Variants in SLC39A10 observed in about 807,000 individuals in gnomAD.
SLC39A10 encodes solute carrier family 39 member 10, also known as zinc transporter ZIP10.
A neutral mutation model predicts 65.1 loss-of-function variants in SLC39A10; 13 were observed. The ratio of observed to expected loss-of-function variants is 0.20; its 90% CI spans 0.13 to 0.32. The LOEUF is 0.32. Ranked by LOEUF, SLC39A10 falls within the 10% of genes least tolerant of loss-of-function variation. SLC39A10 has a pLI of 1.00. For missense variants in SLC39A10, 831 were observed against 1,018.4 expected, an observed-to-expected ratio of 0.82 and a Z score of 2.50; for synonymous variants, 321 against 342.2, an observed-to-expected ratio of 0.94 and a Z score of 0.68.
intron 2 of SLC39A10, among the ~76,000 whole-genome samples, chr2:195,629,185 G>A (rs10931703): frequency 0.44 from 66,855 of 151,670 alleles, 15,643 homozygotes; most frequent in Non-Finnish European, 0.54. Context: ...TCAGGAAATC[G>A]AGATCATCCT....
intron 9 of SLC39A10, among the ~76,000 whole-genome samples, chr2:195,733,487 G>GT (rs1692490095): frequency 6.6e-6 from 1 of 152,050 alleles, no homozygotes; most frequent in Non-Finnish European, 1.5e-5. Flanking sequence ...ATTCTTAGAT[G>GT]TAATAGTATG....
chr2:195,650,213 C>T (rs1400073502), intron 2 of SLC39A10, among the ~76,000 whole-genome samples: 4 of 147,346 alleles, frequency 2.7e-5, no homozygotes, highest in South Asian at 2.2e-4. Context: ...ACCCGGGAGG[C>T]GGAGCTTGCA....
At chr2:195,638,370 C>T (rs1428921835) in intron 2 of SLC39A10, among the ~76,000 whole-genome samples, 1 of 152,024 alleles carries the variant, frequency 6.6e-6, no homozygotes, top group East Asian at 1.9e-4. Flanking sequence ...GAGACAGTCT[C>T]ACTCTGTCGC....
chr2:195,702,763 A>G (rs886508663), intron 3 of SLC39A10, among the ~76,000 whole-genome samples: 3 of 152,236 alleles, frequency 2.0e-5, no homozygotes, highest in Admixed American at 1.3e-4. Context: ...TGATCTGGGC[A>G]CAGGAGTTTT....
intron 9 of SLC39A10, among the ~76,000 whole-genome samples, chr2:195,730,820 T>A (rs1197327066): frequency 1.3e-5 from 2 of 152,144 alleles, no homozygotes; most frequent in African/African-American, 2.4e-5. Context: ...CTTGCAGAAG[T>A]CTCCATCTCA....
At chr2:195,666,969 G>A (rs1198211670) in intron 1 of SLC39A10, among the ~76,000 whole-genome samples, 1 of 152,170 alleles carries the variant, frequency 6.6e-6, no homozygotes, top group East Asian at 1.9e-4. Flanking sequence ...AGAAATGCAG[G>A]TAATTGTTTT....
intron 9 of SLC39A10, 144 bp from the exon 10 acceptor site, chr2:195,734,739 T>TG: frequency 1.3e-6 from 1 of 753,364 alleles, no homozygotes; most frequent in Non-Finnish European, 2.0e-6. Context: ...ATACATCTGG[T>TG]GGGTAGCATT....
chr2:195,633,149 T>C (rs1688623475), intron 2 of SLC39A10, among the ~76,000 whole-genome samples: 1 of 152,258 alleles, frequency 6.6e-6, no homozygotes, highest in African/African-American at 2.4e-5. Flanking sequence ...GTCTTCTGAA[T>C]CTCACAGTGA....
chr2:195,644,670 T>C (rs1688875758), intron 2 of SLC39A10, among the ~76,000 whole-genome samples: 1 of 151,566 alleles, frequency 6.6e-6, no homozygotes, highest in African/African-American at 2.4e-5. Flanking sequence ...CTGCGTGTGG[T>C]GACACTGACC....
upstream of SLC39A10, among the ~76,000 whole-genome samples, chr2:195,656,577 G>GT (rs1207294967): frequency 2.0e-5 from 3 of 152,206 alleles, no homozygotes; most frequent in Non-Finnish European, 4.4e-5. Flanking sequence ...AAGACCCGCA[G>GT]TAAGTGTGCT....
At chr2:195,732,062 TG>T (rs1182824205) in intron 9 of SLC39A10, among the ~76,000 whole-genome samples, 2 of 152,148 alleles carry the variant, frequency 1.3e-5, no homozygotes, top group Non-Finnish European at 2.9e-5. Context: ...ACCCAGAAAT[TG>T]GGTATTTTCT....
At chr2:195,687,198 G>C (rs1215145538) in intron 3 of SLC39A10, among the ~76,000 whole-genome samples, 1 of 152,120 alleles carries the variant, frequency 6.6e-6, no homozygotes, top group Non-Finnish European at 1.5e-5. Flanking sequence ...ACTGTGGCAG[G>C]AGAAAGGGGA....
At chr2:195,716,399 C>CG (rs1691811001) in intron 6 of SLC39A10, among the ~76,000 whole-genome samples, 1 of 152,134 alleles carries the variant, frequency 6.6e-6, no homozygotes, top group South Asian at 2.1e-4. Flanking sequence ...AATCTCCCCC[C>CG]AAACCCAATT....
rs1553509288 is a variant in SLC39A10, at chr2:195,736,880, A to ATATCTATCTATCTAG, written c.*1840_*1854dup. 1 of 151,762 alleles carries ATATCTATCTATCTAG rather than the reference A, an allele frequency of 6.6e-6. No homozygotes were observed. The highest frequency in any genetic ancestry group is 2.4e-5 in the African/African-American group (1 of 41,256). 9.4% of individuals were successfully genotyped at this position (151,762 alleles called of 1,614,324 possible). ...GTACTGCCAACTTCAAGTGATTTAG[A>ATATCTATCTATCTAG]TATCTATCTATCTAGATTTCTGAAC... On this transcript the variant is annotated 3_prime_UTR_variant, in exon 10 of 10. Coordinates refer to ENST00000359634, the MANE Select transcript of SLC39A10 (RefSeq NM_020342.3).
intron 7 of SLC39A10, among the ~76,000 whole-genome samples, chr2:195,717,620 A>G (rs1305223897): frequency 2.0e-5 from 3 of 151,926 alleles, no homozygotes; most frequent in African/African-American, 7.3e-5. Flanking sequence ...CAGTCTAGAT[A>G]TGCTTCCCAG....
intron 1 of SLC39A10, among the ~76,000 whole-genome samples, chr2:195,673,478 A>G (rs538390785): frequency 9.3e-4 from 142 of 152,310 alleles, no homozygotes; most frequent in African/African-American, 3.2e-3. Context: ...TTTTAGAGAA[A>G]TGGAAGTGTT....
upstream of SLC39A10, among the ~76,000 whole-genome samples, chr2:195,656,047 G>A (rs1028521453): frequency 1.3e-5 from 2 of 152,106 alleles, no homozygotes; most frequent in Non-Finnish European, 2.9e-5. Flanking sequence ...GTGTTATGGT[G>A]ATTAAATTAA....
rs1316899914 is a variant in SLC39A10, at chr2:195,728,739, G to C, written c.2337+390G>C. 1.3e-5 allele frequency among the ~76,000 whole-genome samples: 2 copies of C among 152,166 alleles called. No homozygotes were observed. Among genetic ancestry groups the C allele is most frequent in the African/African-American group, 4.8e-5 (2 of 41,448 alleles). On this transcript the variant is annotated intron_variant, in intron 9 of 9. Coordinates refer to ENST00000359634, the MANE Select transcript of SLC39A10 (RefSeq NM_020342.3). This position sits in a 1 kb window ranked among gnomAD's most constrained non-coding sequence, Gnocchi z 4.4. ...AGGTAAGCCAGTCTTCTGGAAGGAA[G>C]TGGTATATATTCCATAGGATTTATG...
At chr2:195,619,114 AAG>A (rs1553490932) in intron 2 of SLC39A10, among the ~76,000 whole-genome samples, 3 of 131,926 alleles carry the variant, frequency 2.3e-5, no homozygotes, top group Admixed American at 8.3e-5. Context: ...AAAAAAAAAA[AAG>A]AGAGAGAGAG....
Sources: gnomAD v4.1 joint callset for allele counts (sites outside exome capture counted in the v4.1 genomes callset) on GRCh38, gnomAD v4.1.1 for gene constraint, Gnocchi (gnomAD v3.1) non-coding constraint, MANE v1.5 for transcripts, NCBI Gene and HGNC (gene_info 2026-07-23, HGNC 2026-07-21) for gene names.